USP42: variants seen among roughly 807,000 people sequenced by gnomAD.
USP42 encodes the protein ubiquitin carboxyl-terminal hydrolase 42.
USP42 carries 23 observed loss-of-function variants against 113.0 expected under a neutral mutation model. The observed-to-expected ratio is 0.20, with a 90% CI of 0.15 to 0.29. USP42 has a LOEUF of 0.29. Among genes scored for constraint, USP42 ranks in the 10% least tolerant of loss-of-function variants. The pLI, the probability that USP42 is intolerant of heterozygous loss-of-function variation, is 1.00. For synonymous variants in USP42, 933 were observed against 699.0 expected (o/e 1.33, Z -5.28); for missense variants, 2,174 against 1,779.8 (o/e 1.22, Z -3.99).
chr7:6,127,696 G>C (rs1446064268), intron 3 of USP42, among the ~76,000 whole-genome samples: 1 of 152,186 alleles, frequency 6.6e-6, no homozygotes, highest in Non-Finnish European at 1.5e-5. Context: ...CTTGTCATCG[G>C]TTAGAATGAT....
the USP42 span, among the ~76,000 whole-genome samples, chr7:6,095,436 G>A: frequency 6.0e-5 from 9 of 151,116 alleles, no homozygotes; most frequent in African/African-American, 2.2e-4. Context: ...TTGGCAGGTT[G>A]AGGCAGGCAG....
At chr7:6,140,262 C>T in intron 6 of USP42, 67 bp downstream of exon 6, 1 of 1,416,390 alleles carries the variant, frequency 7.1e-7, no homozygotes, top group African/African-American at 1.4e-5. Context: ...AATAGTAGGA[C>T]AGGGTTAGTC....
At chr7:6,127,325 G>GT (rs928103568) in intron 3 of USP42, among the ~76,000 whole-genome samples, 51 of 152,110 alleles carry the variant, frequency 3.4e-4, no homozygotes, top group Non-Finnish European at 1.5e-4. Flanking sequence ...TTAGTGGATT[G>GT]TGCTTTTAGT....
rs1319706237 is a variant in USP42, at chr7:6,157,664, C to T, written c.3943+609C>T. The stretch of plus-strand genomic sequence containing the variant: ...ATTTTTGATAGAAATACTTTTGCAG[C>T]GTATACGTTACTCTCCCGAATCCTT... On this transcript the variant is annotated intron_variant, in intron 16 of 17. Coordinates refer to ENST00000306177, the MANE Select transcript of USP42 (RefSeq NM_032172.3). This position sits in a 1 kb window ranked among gnomAD's most constrained non-coding sequence, Gnocchi z 4.1. Among the ~76,000 whole-genome samples the T allele has an allele frequency of 1.3e-5, 2 of 152,208 alleles. No individual in the cohort carries two copies. The highest frequency in any genetic ancestry group is 2.4e-5 in the African/African-American group (1 of 41,448).
At chr7:6,082,428 C>T in the USP42 span, among the ~76,000 whole-genome samples, 1,816 of 150,742 alleles carry the variant, frequency 0.012, 126 homozygotes, top group African/African-American at 0.043. Flanking sequence ...GCGCCCGGCC[C>T]GGGTGGGTAT....
intron 2 of USP42, among the ~76,000 whole-genome samples, chr7:6,112,196 C>T (rs1779632380): frequency 6.6e-6 from 1 of 151,992 alleles, no homozygotes; most frequent in Non-Finnish European, 1.5e-5. Flanking sequence ...CACCTGTTAT[C>T]CCAGCACTTT....
intron 1 of USP42, among the ~76,000 whole-genome samples, chr7:6,106,048 A>G (rs1267498364): frequency 1.3e-5 from 2 of 152,114 alleles, no homozygotes; most frequent in African/African-American, 4.8e-5. Context: ...TACATTTTAA[A>G]CCTAATTCTT....
Position 6,158,035 on chromosome 7 carries a change from T to G in USP42, c.3943+980T>G, listed in dbSNP as rs1782560238. On this transcript the variant is annotated intron_variant, in intron 16 of 17. Coordinates refer to ENST00000306177, the MANE Select transcript of USP42 (RefSeq NM_032172.3). The surrounding 1 kb of genome is among the most constrained non-coding windows in gnomAD (Gnocchi z 4.2). The stretch of plus-strand genomic sequence containing the variant: ...AGCGGAGGCTGGCAAACTGCAGCCC[T>G]GGGGCCAACTTCGGCCAGTCACCAG... Among the ~76,000 whole-genome samples the G allele has an allele frequency of 1.3e-5, 2 of 152,360 alleles. No homozygotes were observed. The highest frequency in any genetic ancestry group is 4.1e-4 in the South Asian group (2 of 4,830).
intron 9 of USP42, among the ~76,000 whole-genome samples, chr7:6,144,699 G>A (rs1235188668): frequency 1.3e-5 from 2 of 152,094 alleles, no homozygotes; most frequent in Non-Finnish European, 2.9e-5. Context: ...GCAAAGCCCT[G>A]TTTCTACTAA....
At chr7:6,149,492 C>CA in intron 12 of USP42, 91 bp from the exon 13 acceptor site, 1 of 1,409,758 alleles carries the variant, frequency 7.1e-7, no homozygotes. Flanking sequence ...AAAAAAAAAG[C>CA]AAAATGGGAA....
At chr7:6,100,129 AG>A (rs1790075323), upstream of USP42, among the ~76,000 whole-genome samples, 1 of 149,256 alleles carries the variant, frequency 6.7e-6, no homozygotes, top group Non-Finnish European at 1.5e-5. Flanking sequence ...CTGGGATTAC[AG>A]GTGTGAGTCA....
chr7:6,094,539 C>T, the USP42 span, among the ~76,000 whole-genome samples: 648 of 151,278 alleles, frequency 4.3e-3, 9 homozygotes, highest in Admixed American at 8.2e-3. Flanking sequence ...GAGTGGGTAG[C>T]GGTGGAATTA....
chr7:6,148,835 T>A (rs7780867), intron 12 of USP42, among the ~76,000 whole-genome samples: 64,359 of 152,068 alleles, frequency 0.42, 17,602 homozygotes, highest in East Asian at 0.76. Context: ...GGGCTCCCCT[T>A]TTGGGCTCTG....
upstream of USP42, among the ~76,000 whole-genome samples, chr7:6,103,370 C>T (rs1039355034): frequency 2.0e-5 from 3 of 150,578 alleles, no homozygotes; most frequent in Non-Finnish European, 4.4e-5. Flanking sequence ...AACTCTGTCT[C>T]TACAAAATAC....
Position 6,157,118 on chromosome 7 carries a change from A to G in USP42, c.3943+63A>G. The G allele has an allele frequency of 2.0e-6, 3 of 1,470,724 alleles. No homozygotes were observed. Among genetic ancestry groups the G allele is most frequent in the Non-Finnish European group, 2.7e-6 (3 of 1,116,234 alleles). The allele number at this position is 1,470,724 out of a possible 1,614,324, so 91.1% of individuals were successfully genotyped here. On this transcript the variant is annotated intron_variant, in intron 16 of 17. Transcript: ENST00000306177. The surrounding 1 kb of genome is among the most constrained non-coding windows in gnomAD (Gnocchi z 4.1). The stretch of plus-strand genomic sequence containing the variant: ...ATTTCTTAATACATTTTCTTTGCAA[A>G]GGTGATTAACATGTAGAAAGAAAAC...
In USP42 at chr7:6,154,730, G is replaced by T. The variant is rs768042100; in HGVS notation, c.3176G>T (p.Cys1059Phe). The T allele has an allele frequency of 1.9e-6, 3 of 1,585,110 alleles. No homozygotes were observed. Among genetic ancestry groups the T allele is most frequent in the South Asian group, 1.2e-5 (1 of 86,710 alleles). Reference sequence around the variant, plus strand: ...CCCGACAGGCCGCGCTGGGACAGGTGCCGGTACTACCATGACAGGTACGCC... The same window carrying T: ...CCCGACAGGCCGCGCTGGGACAGGTTCCGGTACTACCATGACAGGTACGCC... The part of the protein sequence containing the change: ...FYPDRPRWDR[C>F]RYYHDRYALY... Residue 1059 changes from cysteine (C) to phenylalanine (F), a missense_variant, in exon 15 of 18, where the codon TGC becomes TTC. Transcript: ENST00000306177.
At chr7:6,152,496 GC>G (rs1782128275) in intron 14 of USP42, among the ~76,000 whole-genome samples, 1 of 152,152 alleles carries the variant, frequency 6.6e-6, no homozygotes, top group South Asian at 2.1e-4. Context: ...CCCCAGAATG[GC>G]CCCCGGCGGG....
chr7:6,119,333 G>A (rs1780086878), intron 3 of USP42, among the ~76,000 whole-genome samples: 1 of 152,096 alleles, frequency 6.6e-6, no homozygotes, highest in Non-Finnish European at 1.5e-5. Flanking sequence ...AATTCTCTGG[G>A]TGTGGCGGCA....
Position 6,159,000 on chromosome 7 carries a change from G to A in USP42, c.3944-450G>A, listed in dbSNP as rs117431835. ...TCCCACTGCACCGATGACAGGGTTT[G>A]CAGCTGGCGCTTCTGCTGCGAGCAG... On this transcript the variant is annotated intron_variant, in intron 16 of 17. Coordinates refer to ENST00000306177, the MANE Select transcript of USP42 (RefSeq NM_032172.3). This position sits in a 1 kb window ranked among gnomAD's most constrained non-coding sequence, Gnocchi z 4.2. Among the ~76,000 whole-genome samples the A allele has an allele frequency of 0.013, 2,011 of 152,278 alleles. 26 individuals carry two copies. The highest frequency in any genetic ancestry group is 0.061 in the Middle Eastern group (18 of 294).
Sources: gnomAD v4.1 joint callset for allele counts (sites outside exome capture counted in the v4.1 genomes callset) on GRCh38, gnomAD v4.1.1 for gene constraint, Gnocchi (gnomAD v3.1) non-coding constraint, MANE v1.5 for transcripts, NCBI Gene and HGNC (gene_info 2026-07-23, HGNC 2026-07-21) for gene names.